The following TMBIM6 variants were observed in gnomAD, a reference collection of about 807,000 sequenced individuals.
TMBIM6 encodes bax inhibitor 1.
Under a neutral mutation model 31.4 loss-of-function variants are expected in TMBIM6, and 13 were observed. The ratio of observed to expected loss-of-function variants is 0.41; its 90% confidence interval spans 0.27 to 0.66. The LOEUF is 0.66. Among genes scored for constraint, TMBIM6 ranks in the 30% least tolerant of loss-of-function variants. TMBIM6 has a pLI of 0.28. For missense variants in TMBIM6, 275 were observed against 289.5 expected (o/e 0.95, Z 0.36); for synonymous variants, 85 against 101.7 (o/e 0.84, Z 0.99).
chr12:49,741,990 G>C (rs961002145), intron 1 of TMBIM6: 2 of 1,233,678 alleles, frequency 1.6e-6, no homozygotes, highest in African/African-American at 1.5e-5. Flanking sequence ...TCGATCGTTC[G>C]AATTCAGAGC....
chr12:49,742,161 G>A (rs1049749495), intron 1 of TMBIM6: 32 of 1,612,914 alleles, frequency 2.0e-5, no homozygotes, highest in Non-Finnish European at 2.7e-5. Context: ...TGTGACACGC[G>A]AGGCTCCTCA....
intron 1 of TMBIM6, chr12:49,742,172 G>C (rs1200217098): frequency 1.2e-6 from 2 of 1,613,388 alleles, no homozygotes; most frequent in Non-Finnish European, 1.7e-6. Context: ...AGGCTCCTCA[G>C]TTACTTAGCC....
chr12:49,757,591 G>C (rs1053645954), intron 4 of TMBIM6, among the ~76,000 whole-genome samples: 3 of 152,222 alleles, frequency 2.0e-5, no homozygotes, highest in African/African-American at 7.2e-5. Context: ...CTTGTTCTGA[G>C]TGACAGTCTA....
intron 1 of TMBIM6, chr12:49,742,043 A>G (rs965083309): frequency 2.1e-4 from 319 of 1,520,212 alleles, no homozygotes; most frequent in Middle Eastern, 1.4e-3. Flanking sequence ...CACCCATCCG[A>G]TTGCTGTTCG....
At chr12:49,758,841 C>A (rs967606229) in intron 7 of TMBIM6, 79 bp downstream of exon 7, 3 of 1,130,580 alleles carry the variant, frequency 2.7e-6, no homozygotes, top group African/African-American at 1.9e-5. Context: ...TTTTGCACTT[C>A]TTTCTGTACT....
intron 7 of TMBIM6, 69 bp from the exon 8 acceptor site, chr12:49,759,152 A>C: frequency 7.4e-7 from 1 of 1,354,040 alleles, no homozygotes; most frequent in South Asian, 1.2e-5. Flanking sequence ...TATGAGCCAG[A>C]AAGTATGGCT....
At chr12:49,744,472 A>T (rs1362085677) in intron 1 of TMBIM6, 6 of 152,172 alleles carry the variant, frequency 3.9e-5, no homozygotes, top group Non-Finnish European at 8.8e-5. Flanking sequence ...TGTTTTCCAA[A>T]GATGGTGTTC....
intron 1 of TMBIM6, among the ~76,000 whole-genome samples, chr12:49,750,305 C>T (rs1945472110): frequency 6.6e-6 from 1 of 152,236 alleles, no homozygotes; most frequent in Admixed American, 6.5e-5. Context: ...ATCCACCCCG[C>T]TCCATCCCTT....
At chr12:49,758,124 T>C in intron 4 of TMBIM6, 103 bp from the exon 5 acceptor site, 1 of 1,239,216 alleles carries the variant, frequency 8.1e-7, no homozygotes, top group Non-Finnish European at 1.2e-6. Context: ...AGTCCACGTT[T>C]GTTAAGAGCA....
intron 5 of TMBIM6, 37 bp downstream of exon 5, chr12:49,758,312 T>C: frequency 6.2e-7 from 1 of 1,614,102 alleles, no homozygotes; most frequent in Non-Finnish European, 8.5e-7. Flanking sequence ...GCTTTTATCT[T>C]TATGAATATA....
At chr12:49,752,690 A>G (rs2603098) in intron 2 of TMBIM6, 141 bp downstream of exon 2, 746,628 of 747,742 alleles carry the variant, frequency 1, 372,767 homozygotes, top group Middle Eastern at 1. Context: ...AAAATGTCCA[A>G]ATTCTACACG....
chr12:49,759,195 G>A (rs777776572), intron 7 of TMBIM6, 26 bp from the exon 8 acceptor site: 20 of 1,598,956 alleles, frequency 1.3e-5, no homozygotes, highest in Non-Finnish European at 1.7e-5. Context: ...CTGCTGTATA[G>A]TAACTTCATC....
intron 1 of TMBIM6, among the ~76,000 whole-genome samples, chr12:49,746,239 C>T (rs528693781): frequency 1.3e-4 from 20 of 151,882 alleles, no homozygotes; most frequent in African/African-American, 3.6e-4. Context: ...CCCACCACCA[C>T]GCCTGGCTAA....
intron 3 of TMBIM6, among the ~76,000 whole-genome samples, chr12:49,753,555 A>G (rs139935077): frequency 9.5e-4 from 145 of 152,268 alleles, no homozygotes; most frequent in Non-Finnish European, 8.7e-4. Flanking sequence ...CTGTATTGAG[A>G]GAGAATCTGG....
chr12:49,743,072 C>A (rs1161374169), intron 1 of TMBIM6, among the ~76,000 whole-genome samples: 1 of 150,508 alleles, frequency 6.6e-6, no homozygotes, highest in Non-Finnish European at 1.5e-5. Context: ...TGAACCTTGA[C>A]CTCTCCTGGC....
At chr12:49,742,660 GTTTATCT>G in intron 1 of TMBIM6, 1 of 163,960 alleles carries the variant, frequency 6.1e-6, no homozygotes, top group South Asian at 1.7e-4. Context: ...TTTATTTACA[GTTTATCT>G]TTTGTATGTG....
intron 2 of TMBIM6, 119 bp from the exon 3 acceptor site, chr12:49,752,854 A>G (rs567493066): frequency 1.2e-5 from 12 of 962,310 alleles, no homozygotes; most frequent in African/African-American, 3.3e-5. Context: ...AAGTATTTCA[A>G]ACTATTTGTA....
intron 1 of TMBIM6, among the ~76,000 whole-genome samples, chr12:49,751,664 T>G (rs886782018): frequency 6.6e-5 from 10 of 152,158 alleles, no homozygotes; most frequent in Admixed American, 6.5e-4. Context: ...AAAATGCAAG[T>G]CTTAATGCCA....
intron 4 of TMBIM6, among the ~76,000 whole-genome samples, chr12:49,756,099 C>A (rs942739830): frequency 1.4e-4 from 21 of 151,670 alleles, no homozygotes; most frequent in Middle Eastern, 6.9e-3. Flanking sequence ...TCCTAAAATG[C>A]TAGGATTACA....
Sources: gnomAD v4.1 joint callset for allele counts (sites outside exome capture counted in the v4.1 genomes callset) on GRCh38, gnomAD v4.1.1 for gene constraint, MANE v1.5 for transcripts, NCBI Gene and HGNC (gene_info 2026-07-23, HGNC 2026-07-21) for gene names.